Variants in ACBD6 observed in about 807,000 individuals in gnomAD.
ACBD6 encodes acyl-CoA-binding domain-containing protein 6.
ACBD6 carries 28 observed loss-of-function variants against 37.2 expected under a neutral mutation model. That is an observed-to-expected ratio of 0.75 (90% confidence interval 0.56 to 1.03). ACBD6 has a LOEUF of 1.03. ACBD6 is among the 50% of genes least tolerant of loss of function. The probability of loss-of-function intolerance (pLI) is 0.00; values close to 1 mark genes in which losing one functional copy is unlikely to be tolerated. For missense variants in ACBD6, 340 were observed against 337.4 expected, an observed-to-expected ratio of 1.01 and a Z score of -0.06; for synonymous variants, 113 against 126.8, an observed-to-expected ratio of 0.89 and a Z score of 0.73.
exon 10 of ACBD6, chr1:180,274,837 T>C (rs1449225598): frequency 4.8e-6 from 2 of 418,856 alleles, no homozygotes; most frequent in Non-Finnish European, 8.5e-6. Context: ...CACTGGCTTG[T>C]TGGGTCTCTC....
intron 3 of ACBD6, among the ~76,000 whole-genome samples, chr1:180,474,365 G>C (rs1220082270): frequency 1.3e-5 from 2 of 151,756 alleles, no homozygotes; most frequent in Non-Finnish European, 2.9e-5. Flanking sequence ...TGCAGCCCTA[G>C]AAAAGAGCAC....
At chr1:180,313,902 C>T (rs750626828) in intron 7 of ACBD6, among the ~76,000 whole-genome samples, 21 of 152,208 alleles carry the variant, frequency 1.4e-4, no homozygotes, top group Non-Finnish European at 2.8e-4. Flanking sequence ...TTTTATCTCA[C>T]TGAATTTACC....
intron 6 of ACBD6, among the ~76,000 whole-genome samples, chr1:180,368,021 G>A (rs912507791): frequency 4.6e-5 from 7 of 151,720 alleles, no homozygotes; most frequent in Admixed American, 2.0e-4. Context: ...GTGAATACAT[G>A]TTCCCTGTTC....
At chr1:180,467,520 T>C (rs1390158439) in intron 3 of ACBD6, among the ~76,000 whole-genome samples, 1 of 147,560 alleles carries the variant, frequency 6.8e-6, no homozygotes, top group Non-Finnish European at 1.5e-5. Flanking sequence ...CATGGTGGTA[T>C]ATGCTGGTAG....
At chr1:180,424,470 G>T (rs1182798792) in intron 4 of ACBD6, among the ~76,000 whole-genome samples, 2 of 152,088 alleles carry the variant, frequency 1.3e-5, no homozygotes, top group African/African-American at 4.8e-5. Flanking sequence ...AAGCCAATGT[G>T]GTTGGAACAG....
rs1314705489 is a variant in ACBD6 at position 180,413,236 on chromosome 1, T to C, written c.573+130A>G. The C allele has an allele frequency of 1.4e-5, 10 of 727,386 alleles. 1 individual carries two copies. Among genetic ancestry groups the C allele is most frequent in the Middle Eastern group, 4.6e-4 (2 of 4,324 alleles). The allele number at this position is 727,386 out of a possible 1,614,324, so 45.1% of individuals were successfully genotyped here. A position where few individuals can be genotyped will look rare whatever the true frequency, so the allele number is the denominator to read the frequency against. On this transcript the variant is annotated intron_variant, in intron 5 of 7. Coordinates refer to ENST00000367595, the MANE Select transcript of ACBD6 (RefSeq NM_032360.4). ...CTTAACTAGGTAACACCATCTCATTTAGATATTCTGATATACTCTTAACCA... is the reference window on the plus strand; with the variant it reads ...CTTAACTAGGTAACACCATCTCATTCAGATATTCTGATATACTCTTAACCA...
At chr1:180,401,812 G>C (rs1339231286) in intron 5 of ACBD6, among the ~76,000 whole-genome samples, 1 of 151,084 alleles carries the variant, frequency 6.6e-6, no homozygotes, top group Non-Finnish European at 1.5e-5. Context: ...AAATGGTAAG[G>C]GGAGGGGAGA....
intron 6 of ACBD6, among the ~76,000 whole-genome samples, chr1:180,351,861 G>A (rs1652432825): frequency 6.6e-6 from 1 of 152,078 alleles, no homozygotes; most frequent in Non-Finnish European, 1.5e-5. Context: ...GTTCACAGTG[G>A]CATCATATAC....
intron 10 of ACBD6, chr1:180,274,206 T>C (rs1558226682): frequency 1.9e-6 from 3 of 1,614,222 alleles, no homozygotes; most frequent in Middle Eastern, 1.6e-4. Flanking sequence ...CTCTCAGAAC[T>C]TGGCCACACC....
chr1:180,464,268 T>C (rs1650265405), intron 3 of ACBD6, among the ~76,000 whole-genome samples: 1 of 152,202 alleles, frequency 6.6e-6, no homozygotes, highest in African/African-American at 2.4e-5. Context: ...GCAGACGACA[T>C]GATTCCATAT....
chr1:180,338,525 AT>A (rs1651839033), intron 6 of ACBD6, among the ~76,000 whole-genome samples: 1 of 152,228 alleles, frequency 6.6e-6, no homozygotes, highest in Non-Finnish European at 1.5e-5. Flanking sequence ...ACAAAAATTA[AT>A]TCAAGATGGA....
intron 6 of ACBD6, among the ~76,000 whole-genome samples, chr1:180,321,651 G>A (rs542786201): frequency 6.6e-6 from 1 of 152,042 alleles, no homozygotes; most frequent in South Asian, 2.1e-4. Context: ...CTGGGTGACA[G>A]AGCAAGACTC....
chr1:180,473,331 C>T (rs2102060202), intron 3 of ACBD6, among the ~76,000 whole-genome samples: 1 of 150,402 alleles, frequency 6.6e-6, no homozygotes, highest in East Asian at 2.0e-4. Context: ...CCTGTAGTCC[C>T]AGCTACTTGG....
At chr1:180,335,408 A>G (rs943917943) in intron 6 of ACBD6, among the ~76,000 whole-genome samples, 3 of 152,162 alleles carry the variant, frequency 2.0e-5, no homozygotes, top group Non-Finnish European at 4.4e-5. Flanking sequence ...ATCCAGCCAA[A>G]CTAAGCTTCA....
In ACBD6 at chr1:180,317,281, G is replaced by A. The variant is rs115566304; in HGVS notation, c.664-2559C>T. On this transcript the variant is annotated intron_variant, in intron 6 of 7. Transcript: ENST00000367595. ...AAATATTGTGTGATTCCATTTATAA[G>A]AGATACCTAGAGTAGTCAAATTCAT... Among the ~76,000 whole-genome samples, 1,343 of 152,298 alleles carry A rather than the reference G, an allele frequency of 8.8e-3. 22 individuals are homozygous for A. Among genetic ancestry groups the A allele is most frequent in the African/African-American group, 0.03 (1,259 of 41,556 alleles).
intron 6 of ACBD6, among the ~76,000 whole-genome samples, chr1:180,342,192 T>C (rs903376659): frequency 9.9e-5 from 15 of 152,148 alleles, no homozygotes; most frequent in Non-Finnish European, 2.9e-5. Context: ...CAGAATTGAC[T>C]GGCAAGTGGG....
chr1:180,284,514 G>A (rs1177847170), downstream of ACBD6, among the ~76,000 whole-genome samples: 24 of 151,848 alleles, frequency 1.6e-4, no homozygotes, highest in Non-Finnish European at 2.6e-4. Flanking sequence ...ACAGGCATGC[G>A]CCACCATGCT....
chr1:180,318,164 C>CA (rs765893926), intron 6 of ACBD6, among the ~76,000 whole-genome samples: 6 of 6,478 alleles, frequency 9.3e-4, no homozygotes, highest in South Asian at 0.01. Flanking sequence ...TCCATCTCCG[C>CA]CCCCCCCCCC....
intron 3 of ACBD6, among the ~76,000 whole-genome samples, chr1:180,437,926 G>A (rs1159122055): frequency 6.6e-6 from 1 of 152,130 alleles, no homozygotes; most frequent in Admixed American, 6.5e-5. Context: ...CTATGATGAG[G>A]GTATGCACAG....
Sources: allele counts gnomAD v4.1 joint callset (sites outside exome capture counted in the v4.1 genomes callset), GRCh38; gene constraint gnomAD v4.1.1; transcripts MANE v1.5; gene names NCBI Gene and HGNC (gene_info 2026-07-23, HGNC 2026-07-21).